CCSER1: variants seen among roughly 807,000 people sequenced by gnomAD.
CCSER1 encodes coiled-coil serine rich protein 1, also known as serine-rich coiled-coil domain-containing protein 1.
CCSER1 carries 41 observed loss-of-function variants against 82.0 expected under a neutral mutation model. That is an observed-to-expected ratio of 0.50 (90% confidence interval 0.39 to 0.65). CCSER1 has a LOEUF of 0.65. CCSER1 is among the 30% of genes least tolerant of loss of function. The pLI is 0.00. For missense variants in CCSER1, 1,119 were observed against 1,064.2 expected (o/e 1.05, Z -0.72); for synonymous variants, 414 against 383.9 (o/e 1.08, Z -0.92).
chr4:91,089,326 T>C (rs1340913861), intron 10 of CCSER1, among the ~76,000 whole-genome samples: 3 of 152,248 alleles, frequency 2.0e-5, no homozygotes, highest in Non-Finnish European at 4.4e-5. Flanking sequence ...GGTTGAATTT[T>C]AACTATCAGG....
intron 10 of CCSER1, among the ~76,000 whole-genome samples, chr4:91,103,970 G>T (rs1318565917): frequency 6.6e-6 from 1 of 151,842 alleles, no homozygotes; most frequent in Non-Finnish European, 1.5e-5. Context: ...TAATACCCTG[G>T]GAAAGGAATG....
chr4:90,142,077 G>T (rs1210516628), intron 1 of CCSER1, among the ~76,000 whole-genome samples: 1 of 152,102 alleles, frequency 6.6e-6, no homozygotes, highest in Admixed American at 6.5e-5. Context: ...TATTTTTAAT[G>T]CCTTCCTATT....
chr4:90,180,580 C>T (rs1347515571), intron 1 of CCSER1, among the ~76,000 whole-genome samples: 1 of 151,768 alleles, frequency 6.6e-6, no homozygotes, highest in Non-Finnish European at 1.5e-5. Flanking sequence ...CAGAGCAAGA[C>T]TCTGTCTCAA....
intron 10 of CCSER1, among the ~76,000 whole-genome samples, chr4:91,575,902 A>C (rs1763429721): frequency 1.3e-5 from 2 of 151,924 alleles, no homozygotes; most frequent in Non-Finnish European, 2.9e-5. Flanking sequence ...ATGGTTCATG[A>C]AAATATAAAT....
In CCSER1 at chr4:90,852,295, A is replaced by C. The variant is rs562513356; in HGVS notation, c.2094+36450A>C. Among the ~76,000 whole-genome samples the C allele has an allele frequency of 7.2e-5, 11 of 152,252 alleles. No homozygotes were observed. The South Asian group carries it at 2.3e-3, about 32-fold the overall frequency. ...AGTCACTGTGGTAGTGCATTGGCGG[A>C]ATTTACTGGAATTCTCTCCTCTGGT... On this transcript the variant is annotated intron_variant, in intron 8 of 10. Coordinates refer to ENST00000509176, the MANE Select transcript of CCSER1 (RefSeq NM_001145065.2).
chr4:90,951,416 T>C (rs1458458421), intron 9 of CCSER1: 1 of 152,102 alleles, frequency 6.6e-6, no homozygotes, highest in Non-Finnish European at 1.5e-5. Flanking sequence ...CCTTTTTCAA[T>C]AGAGAATGTG....
Position 90,328,881 on chromosome 4 carries a change from G to A in CCSER1, c.1509+15834G>A, listed in dbSNP as rs564451217. On this transcript the variant is annotated intron_variant, in intron 3 of 10. Coordinates refer to ENST00000509176, the MANE Select transcript of CCSER1 (RefSeq NM_001145065.2). ...TTTTGACTATGACTTTAGAAAAAAC[G>A]AAAATCTATAAAATACCTTTAGTGT... Among the ~76,000 whole-genome samples, 51 of 152,190 alleles carry A rather than the reference G, an allele frequency of 3.4e-4. 1 individual carries two copies. The highest frequency in any genetic ancestry group is 1.1e-3 in the African/African-American group (47 of 41,526).
intron 10 of CCSER1, among the ~76,000 whole-genome samples, chr4:91,119,011 T>C (rs188410698): frequency 3.9e-5 from 6 of 152,164 alleles, no homozygotes; most frequent in Non-Finnish European, 7.4e-5. Flanking sequence ...TAAATTTCCT[T>C]CCTTAAAAGA....
chr4:91,586,868 C>T (rs76004548), intron 10 of CCSER1, among the ~76,000 whole-genome samples: 5,599 of 151,454 alleles, frequency 0.037, 161 homozygotes, highest in Non-Finnish European at 0.057. Context: ...AAAGTAAGTT[C>T]TTGGGGGTAA....
intron 1 of CCSER1, among the ~76,000 whole-genome samples, chr4:90,139,172 A>G (rs1724261065): frequency 6.6e-6 from 1 of 152,204 alleles, no homozygotes; most frequent in South Asian, 2.1e-4. Context: ...CAATGTGGCA[A>G]AAAGGGACTA....
intron 10 of CCSER1, among the ~76,000 whole-genome samples, chr4:91,506,532 A>C (rs1759499722): frequency 1.3e-5 from 2 of 152,068 alleles, no homozygotes; most frequent in South Asian, 2.1e-4. Flanking sequence ...TCTATAAATT[A>C]GCCATTTTTA....
intron 10 of CCSER1, among the ~76,000 whole-genome samples, chr4:91,490,517 A>G (rs1399002977): frequency 6.6e-6 from 1 of 152,084 alleles, no homozygotes; most frequent in Non-Finnish European, 1.5e-5. Context: ...ACGTGTTATC[A>G]TTCATTTGTG....
At chr4:90,920,565 T>G (rs1728225132) in intron 8 of CCSER1, among the ~76,000 whole-genome samples, 1 of 151,950 alleles carries the variant, frequency 6.6e-6, no homozygotes, top group Non-Finnish European at 1.5e-5. Flanking sequence ...TGGCTAATAG[T>G]AATTCATTTT....
intron 10 of CCSER1, among the ~76,000 whole-genome samples, chr4:91,576,383 T>C (rs944002367): frequency 2.0e-5 from 3 of 152,016 alleles, no homozygotes; most frequent in African/African-American, 7.2e-5. Context: ...GAATGATGGT[T>C]ACCAGGGACT....
chr4:90,866,156 A>T (rs1196686478), intron 8 of CCSER1, among the ~76,000 whole-genome samples: 1 of 151,874 alleles, frequency 6.6e-6, no homozygotes, highest in Admixed American at 6.6e-5. Context: ...GTGGCAACAG[A>T]GATGCAAACC....
intron 5 of CCSER1, among the ~76,000 whole-genome samples, chr4:90,579,547 C>T (rs1371911944): frequency 6.6e-6 from 1 of 152,116 alleles, no homozygotes; most frequent in Non-Finnish European, 1.5e-5. Flanking sequence ...CATGTAGTAT[C>T]CATCTGCTTA....
At chr4:91,217,192 A>C (rs1737313260) in intron 10 of CCSER1, among the ~76,000 whole-genome samples, 1 of 152,132 alleles carries the variant, frequency 6.6e-6, no homozygotes, top group Non-Finnish European at 1.5e-5. Flanking sequence ...CAGTAGCAAG[A>C]GGGAAAGAAC....
At chr4:91,238,387 A>T (rs1320033635) in intron 10 of CCSER1, among the ~76,000 whole-genome samples, 2 of 152,204 alleles carry the variant, frequency 1.3e-5, no homozygotes, top group East Asian at 3.8e-4. Flanking sequence ...ATTTTCCCAA[A>T]GACATGAGGA....
intron 10 of CCSER1, among the ~76,000 whole-genome samples, chr4:91,391,073 C>T (rs1751615957): frequency 6.6e-6 from 1 of 151,686 alleles, no homozygotes; most frequent in African/African-American, 2.4e-5. Context: ...TTATTTTCTA[C>T]TCTAATTTTC....
Sources: allele counts gnomAD v4.1 joint callset (sites outside exome capture counted in the v4.1 genomes callset), GRCh38; gene constraint gnomAD v4.1.1; transcripts MANE v1.5; gene names NCBI Gene and HGNC (gene_info 2026-07-23, HGNC 2026-07-21).